Variants in SYTL2 observed in about 807,000 individuals in gnomAD.
SYTL2 encodes the protein synaptotagmin like 2, also known as synaptotagmin-like protein 2.
In SYTL2, 165 loss-of-function variants were observed where a neutral mutation model predicts 198.7. The observed-to-expected ratio is 0.83, with a 90% CI of 0.73 to 0.94. SYTL2 has a LOEUF of 0.94. Among genes scored for constraint, SYTL2 ranks in the 40% least tolerant of loss-of-function variants. SYTL2 has a pLI of 0.00. For synonymous variants in SYTL2, 966 were observed against 917.7 expected (o/e 1.05, Z -0.95); for missense variants, 2,835 against 2,582.8 (o/e 1.10, Z -2.12).
At chr11:85,732,511 A>G (rs2089917361) in intron 7 of SYTL2, among the ~76,000 whole-genome samples, 1 of 149,156 alleles carries the variant, frequency 6.7e-6, no homozygotes, top group Non-Finnish European at 1.5e-5. Context: ...CAACCACCGC[A>G]TGTTCTCACC....
chr11:85,850,846 A>C, the SYTL2 span, among the ~76,000 whole-genome samples: 3 of 150,272 alleles, frequency 2.0e-5, no homozygotes, highest in South Asian at 4.3e-4. Context: ...CTATGCAGCC[A>C]TAAAAAATGA....
intron 1 of SYTL2, among the ~76,000 whole-genome samples, chr11:85,797,641 GAAAAGA>G (rs764398637): frequency 8.1e-5 from 12 of 148,836 alleles, no homozygotes; most frequent in South Asian, 2.1e-4. Flanking sequence ...AAAAAAAAAA[GAAAAGA>G]AAAAGAAAAA....
In SYTL2 at chr11:85,797,957, G is replaced by A. The variant is rs1226530501; in HGVS notation, c.-390+12997C>T. ...CAACCTTTACCTCCCAGGTTCAAGA[G>A]ATTCTCCTGCCTCAGCCTCCCGAGT... On this transcript the variant is annotated intron_variant, in intron 1 of 19. Coordinates refer to ENST00000359152, the MANE Select transcript of SYTL2 (RefSeq NM_206927.4). 2.0e-5 allele frequency among the ~76,000 whole-genome samples: 3 copies of A among 151,910 alleles called. No homozygotes were observed. The East Asian group carries it at 5.8e-4, about 29-fold the overall frequency.
chr11:85,784,392 C>T (rs2092605888), intron 1 of SYTL2, among the ~76,000 whole-genome samples: 1 of 151,712 alleles, frequency 6.6e-6, no homozygotes, highest in Admixed American at 6.6e-5. Flanking sequence ...TTATGGTAAA[C>T]CTCATTAATG....
chr11:85,695,097 A>G lies in SYTL2; in HGVS notation c.*98T>C, dbSNP rs2083231994. On this transcript the variant is annotated 3_prime_UTR_variant, in exon 20 of 20. Transcript: ENST00000359152. ...CTGTGTAGTATTCCTTAGGTGCAAT[A>G]GATAGAAAGTGAGGATATTTGTCCA... 7.7e-7 allele frequency: 1 copy of G among 1,304,456 alleles called. No individual in the cohort carries two copies. The highest frequency in any genetic ancestry group is 1.5e-5 in the African/African-American group (1 of 67,728). The allele number at this position is 1,304,456 out of a possible 1,614,324, so 80.8% of individuals were successfully genotyped here.
Position 85,725,726 on chromosome 11 carries a change from G to T in SYTL2, c.3632C>A (p.Ala1211Asp), listed in dbSNP as rs2089068077. 1 of 1,613,954 alleles carries T rather than the reference G, an allele frequency of 6.2e-7. No individual in the cohort carries two copies. The highest frequency in any genetic ancestry group is 8.5e-7 in the Non-Finnish European group (1 of 1,179,974). The change falls in exon 8 of 20, where the codon GCT becomes GAT. Residue 1211 changes from alanine to aspartate, a missense_variant. Ala to Asp is a moderately radical substitution (Grantham distance 126). This residue lies in a region of SYTL2 where 2,645 missense variants were observed against 2,381.7 expected (regional missense o/e 1.11). Transcript: ENST00000359152. Reference sequence around the variant, plus strand: ...TTCCTTCAGGAGTTTGTCTAGACTAGCAGTCAAAGAGTTCCGTTTAACCTT... The same window carrying T: ...TTCCTTCAGGAGTTTGTCTAGACTATCAGTCAAAGAGTTCCGTTTAACCTT... ...HPKVKRNSLT[A>D]SLDKLLKEAT...
At chr11:85,844,276 G>T in the SYTL2 span, among the ~76,000 whole-genome samples, 1 of 152,182 alleles carries the variant, frequency 6.6e-6, no homozygotes, top group Non-Finnish European at 1.5e-5. Context: ...CTAGTGTGCT[G>T]TATAAAGGGT....
Position 85,720,869 on chromosome 11 carries a change from G to A in SYTL2, c.5417C>T (p.Ser1806Leu), listed in dbSNP as rs138133261. 74 of 1,611,192 alleles carry A rather than the reference G, an allele frequency of 4.6e-5. No individual in the cohort carries two copies. The African/African-American group carries it at 8.0e-4, about 17-fold the overall frequency. ...AACTTTATTCTCACTTGATGAATCTGATGAAATGTCTTCTAGACTTTTGGA... is the reference window on the plus strand; with the variant it reads ...AACTTTATTCTCACTTGATGAATCTAATGAAATGTCTTCTAGACTTTTGGA... ...MPSKSLEDISSDSSNQAKVDN... is the reference protein window; with the variant it reads ...MPSKSLEDISLDSSNQAKVDN... Residue 1806 changes from serine to leucine, a missense_variant, in exon 9 of 20, where the codon TCA becomes TTA. Coordinates refer to ENST00000359152, the MANE Select transcript of SYTL2 (RefSeq NM_206927.4).
At chr11:85,699,256 G>C (rs1164683248) in intron 17 of SYTL2, among the ~76,000 whole-genome samples, 1 of 152,126 alleles carries the variant, frequency 6.6e-6, no homozygotes, top group African/African-American at 2.4e-5. Flanking sequence ...AAGCTTTATG[G>C]AGGAGATGGG....
At chr11:85,707,669 TCCTACCAATA>T in intron 14 of SYTL2, 138 bp from the exon 15 acceptor site, 1 of 627,300 alleles carries the variant, frequency 1.6e-6, no homozygotes, top group South Asian at 2.0e-5. Context: ...TAACAAATTT[TCCTACCAATA>T]CCTTTATACT....
At chr11:85,792,735 G>T (rs559273842) in intron 1 of SYTL2, among the ~76,000 whole-genome samples, 1 of 151,386 alleles carries the variant, frequency 6.6e-6, no homozygotes, top group Non-Finnish European at 1.5e-5. Flanking sequence ...CCATTAACTC[G>T]TCATTTAGCA....
At chr11:85,709,576 C>A in intron 13 of SYTL2, 76 bp from the exon 14 acceptor site, 1 of 1,366,950 alleles carries the variant, frequency 7.3e-7, no homozygotes, top group Non-Finnish European at 1.0e-6. Context: ...GGATATAATC[C>A]CTGCTGGCAT....
the SYTL2 span, among the ~76,000 whole-genome samples, chr11:85,846,177 G>T: frequency 6.6e-6 from 1 of 152,196 alleles, no homozygotes; most frequent in Non-Finnish European, 1.5e-5. Flanking sequence ...CTCCAGCATG[G>T]TTGTCTCATA....
chr11:85,840,876 AAGAAACCATCAACAG>A, the SYTL2 span, among the ~76,000 whole-genome samples: 3 of 152,210 alleles, frequency 2.0e-5, no homozygotes, highest in Admixed American at 6.5e-5. Flanking sequence ...TGCACAGCAA[AAGAAACCATCAACAG>A]AGTAAACAGA....
At chr11:85,735,972 T>C (rs904907391) in intron 6 of SYTL2, among the ~76,000 whole-genome samples, 8 of 152,248 alleles carry the variant, frequency 5.3e-5, no homozygotes, top group East Asian at 1.9e-4. Context: ...TTTGAAGAGA[T>C]TGAAATGTTT....
In SYTL2 at chr11:85,727,625, G is replaced by A. The variant is rs1200385465; in HGVS notation, c.1733C>T (p.Pro578Leu). 6.5e-7 allele frequency: 1 copy of A among 1,535,914 alleles called. No homozygotes were observed. Among genetic ancestry groups the A allele is most frequent in the Admixed American group, 2.0e-5 (1 of 50,942 alleles). Reference protein sequence around the residue: ...LRENGSKTLSPSKIELKPVRS... With the variant: ...LRENGSKTLSLSKIELKPVRS... The stretch of plus-strand genomic sequence containing the variant: ...CACAGGCTTCAATTCAATTTTGCTG[G>A]GTGATAGGGTCTTTGAGCCATTTTC... Residue 578 changes from proline (P) to leucine (L), a missense_variant, in exon 8 of 20, where the codon CCC (proline) becomes CTC (leucine). Pro to Leu is a moderately conservative substitution (Grantham distance 98). Coordinates refer to ENST00000359152, the MANE Select transcript of SYTL2 (RefSeq NM_206927.4).
chr11:85,830,282 G>A, the SYTL2 span, among the ~76,000 whole-genome samples: 29 of 152,166 alleles, frequency 1.9e-4, no homozygotes, highest in African/African-American at 6.0e-4. Context: ...AAAACCAATG[G>A]TCTACTGGAT....
chr11:85,807,246 A>G (rs2092970444), intron 1 of SYTL2, among the ~76,000 whole-genome samples: 1 of 152,242 alleles, frequency 6.6e-6, no homozygotes, highest in East Asian at 1.9e-4. Context: ...GATCAATGAG[A>G]TACTAGCCAC....
In SYTL2 at chr11:85,725,300, G is replaced by A. The variant is rs370494232; in HGVS notation, c.4058C>T (p.Ser1353Leu). The A allele has an allele frequency of 3.2e-5, 52 of 1,613,924 alleles. No homozygotes were observed. Among genetic ancestry groups the A allele is most frequent in the Non-Finnish European group, 4.2e-5 (49 of 1,179,984 alleles). Residue 1353 changes from serine to leucine, a missense_variant, in exon 8 of 20, where the codon TCG becomes TTG. Ser to Leu is a moderately radical substitution (Grantham distance 145). Around this residue, in one of 3 missense-constraint regions of SYTL2, gnomAD observed 2,645 missense variants for 2,381.7 expected, o/e 1.11. Coordinates refer to ENST00000359152, the MANE Select transcript of SYTL2 (RefSeq NM_206927.4). ...ARVHPSQTEI[S>L]ETVEKVILPP... ...AAGAATGACTTTCTCTACAGTCTCC[G>A]AAATTTCCGTTTGAGAAGGGTGTAC...
Sources: gnomAD v4.1 joint callset for allele counts (sites outside exome capture counted in the v4.1 genomes callset) on GRCh38, gnomAD v4.1.1 for gene constraint, gnomAD v4.1.1 regional missense constraint, MANE v1.5 for transcripts, NCBI Gene and HGNC (gene_info 2026-07-23, HGNC 2026-07-21) for gene names.